The following PAPPA variants were observed in gnomAD, a reference collection of about 807,000 sequenced individuals.
PAPPA encodes pappalysin 1, also known as pappalysin-1.
In PAPPA, 60 loss-of-function variants were observed where a neutral mutation model predicts 164.0. The ratio of observed to expected loss-of-function variants is 0.37; its 90% CI spans 0.30 to 0.45. The LOEUF (loss-of-function observed/expected upper bound fraction) is 0.45, where lower values mean the gene tolerates loss of function less well. PAPPA is among the 20% of genes least tolerant of loss of function. The probability of loss-of-function intolerance (pLI) is 1.00; values close to 1 mark genes in which losing one functional copy is unlikely to be tolerated. For missense variants in PAPPA, 1,782 were observed against 2,087.3 expected, an observed-to-expected ratio of 0.85 and a Z score of 2.85; for synonymous variants, 875 against 814.1, an observed-to-expected ratio of 1.07 and a Z score of -1.27.
At chr9:116,351,647 T>C (rs1846283845) in intron 15 of PAPPA, among the ~76,000 whole-genome samples, 1 of 152,212 alleles carries the variant, frequency 6.6e-6, no homozygotes, top group Non-Finnish European at 1.5e-5. Context: ...AGTTTTGTCT[T>C]TTGCCAACTA....
At position 116,187,953 on chromosome 9, in the gene PAPPA, T is replaced by C. The variant is rs1843996175; in HGVS notation, c.1215T>C (p.Leu405=). ...LDVLEVSNSS[L]RRRLILANCD... ...TGCTGGAGGTGAGCAACTCCTCCCT[T>C]CGCCGCCGCCTCATCCTGGCCAACT... Residue 405 remains leucine, a synonymous_variant, in exon 2 of 22, where the codon CTT becomes CTC. Transcript: ENST00000328252. The surrounding 1 kb of genome is among the most constrained non-coding windows in gnomAD (Gnocchi z 4.2). 1 of 1,614,006 alleles carries C rather than the reference T, an allele frequency of 6.2e-7. No homozygotes were observed. The highest frequency in any genetic ancestry group is 8.5e-7 in the Non-Finnish European group (1 of 1,180,032).
intron 10 of PAPPA, among the ~76,000 whole-genome samples, chr9:116,329,724 C>T (rs559656810): frequency 4.0e-4 from 61 of 152,096 alleles, no homozygotes; most frequent in African/African-American, 1.0e-3. Flanking sequence ...TTATGTTTTG[C>T]GATCTCTCCA....
intron 9 of PAPPA, among the ~76,000 whole-genome samples, chr9:116,274,002 C>G (rs1845167367): frequency 6.6e-6 from 1 of 151,876 alleles, no homozygotes; most frequent in Admixed American, 6.6e-5. Context: ...GGGTGATGAT[C>G]TAAGGATACA....
At chr9:116,162,232 A>G (rs1163067246) in intron 1 of PAPPA, among the ~76,000 whole-genome samples, 2 of 152,192 alleles carry the variant, frequency 1.3e-5, no homozygotes, top group Non-Finnish European at 2.9e-5. Flanking sequence ...TGCCCTACAT[A>G]TTGTGAAATG....
In PAPPA at chr9:116,331,292, G is replaced by T; in HGVS notation, c.3196G>T (p.Ala1066Ser). ...IDLSEGISQH[A>S]WYPCTISYPY... Reference sequence around the variant, plus strand: ...TCTCAGTGAAGGCATTTCCCAGCATGCCTGGTACCCTTGCACCATCAGCTA... The same window carrying T: ...TCTCAGTGAAGGCATTTCCCAGCATTCCTGGTACCCTTGCACCATCAGCTA... Residue 1066 changes from alanine to serine, a missense_variant, in exon 11 of 22, where the codon GCC (alanine) becomes TCC (serine). Coordinates refer to ENST00000328252, the MANE Select transcript of PAPPA (RefSeq NM_002581.5). The T allele has an allele frequency of 1.2e-6, 2 of 1,613,850 alleles. No individual in the cohort carries two copies. Among genetic ancestry groups the T allele is most frequent in the Non-Finnish European group, 1.7e-6 (2 of 1,179,826 alleles).
intron 12 of PAPPA, among the ~76,000 whole-genome samples, chr9:116,333,716 T>C (rs1846022618): frequency 6.6e-6 from 1 of 152,168 alleles, no homozygotes; most frequent in African/African-American, 2.4e-5. Flanking sequence ...TTTCCCTAAG[T>C]GAGAAACAAA....
At chr9:116,289,378 T>TGGC (rs1564212465) in intron 9 of PAPPA, among the ~76,000 whole-genome samples, 2 of 144,232 alleles carry the variant, frequency 1.4e-5, no homozygotes, top group Non-Finnish European at 3.0e-5. Context: ...GGCATATATA[T>TGGC]AGCATATGTA....
chr9:116,401,877 A>T lies in PAPPA; in HGVS notation c.*5261A>T, dbSNP rs117967373. 3.9e-4 allele frequency: 59 copies of T among 151,686 alleles called. No individual in the cohort carries two copies. The East Asian group carries it at 0.011, about 28-fold the overall frequency. The allele number at this position is 151,686 out of a possible 1,614,324, so 9.4% of individuals were successfully genotyped here. A position where few individuals can be genotyped will look rare whatever the true frequency, so the allele number is the denominator to read the frequency against. ...AAGAAAAAAAAAAAGAAAAAGAAGA[A>T]AGACACAAAGAAAATAATCTAAACA... On this transcript the variant is annotated 3_prime_UTR_variant, in exon 22 of 22. Coordinates refer to ENST00000328252, the MANE Select transcript of PAPPA (RefSeq NM_002581.5).
At chr9:116,376,629 G>A (rs973601854) in intron 19 of PAPPA, among the ~76,000 whole-genome samples, 1 of 152,122 alleles carries the variant, frequency 6.6e-6, no homozygotes, top group African/African-American at 2.4e-5. Context: ...ATATATTTTA[G>A]TTGTCATTAT....
At chr9:116,156,790 T>C (rs1351529710) in intron 1 of PAPPA, among the ~76,000 whole-genome samples, 1 of 152,158 alleles carries the variant, frequency 6.6e-6, no homozygotes, top group East Asian at 1.9e-4. Flanking sequence ...AAGAACCTGC[T>C]TCTCCTTGAA....
At chr9:116,190,057 T>C (rs542985265) in intron 2 of PAPPA, among the ~76,000 whole-genome samples, 1 of 152,316 alleles carries the variant, frequency 6.6e-6, no homozygotes, top group African/African-American at 2.4e-5. Context: ...CTGCTTTCAC[T>C]TGGGCCTTTC....
chr9:116,180,343 G>T (rs1354423853), intron 1 of PAPPA, among the ~76,000 whole-genome samples: 1 of 151,972 alleles, frequency 6.6e-6, no homozygotes, highest in African/African-American at 2.4e-5. Flanking sequence ...CTTTGGCTCT[G>T]GAGTGAAAGA....
Position 116,347,293 on chromosome 9 carries a change from C to A in PAPPA, c.3964+84C>A. The A allele has an allele frequency of 8.1e-7, 1 of 1,233,702 alleles. No homozygotes were observed. The highest frequency in any genetic ancestry group is 1.1e-6 in the Non-Finnish European group (1 of 882,164). 76.4% of individuals were successfully genotyped at this position (1,233,702 alleles called of 1,614,324 possible). On this transcript the variant is annotated intron_variant, in intron 15 of 21. Coordinates refer to ENST00000328252, the MANE Select transcript of PAPPA (RefSeq NM_002581.5). The surrounding 1 kb of genome is among the most constrained non-coding windows in gnomAD (Gnocchi z 4.5). The stretch of plus-strand genomic sequence containing the variant: ...GCATCCAGGCCCTCTTTCTGGGTCT[C>A]AAACACCAAGGGTGGGATGGGTTTT...
At chr9:116,185,178 A>G (rs72752153) in intron 1 of PAPPA, among the ~76,000 whole-genome samples, 42,353 of 152,078 alleles carry the variant, frequency 0.28, 6,782 homozygotes, top group Non-Finnish European at 0.36. Flanking sequence ...CCGCTCCTTT[A>G]CCAGATAGAG....
intron 9 of PAPPA, among the ~76,000 whole-genome samples, chr9:116,294,307 T>G (rs1386499816): frequency 6.6e-6 from 1 of 152,166 alleles, no homozygotes; most frequent in Non-Finnish European, 1.5e-5. Flanking sequence ...GAAACCAACT[T>G]AAGCTCCTCA....
chr9:116,295,003 A>G (rs1845483697), intron 9 of PAPPA, among the ~76,000 whole-genome samples: 1 of 152,302 alleles, frequency 6.6e-6, no homozygotes, highest in East Asian at 1.9e-4. Context: ...TGCACATTCA[A>G]AATCTTTGCT....
chr9:116,269,880 A>C (rs1845117353), intron 8 of PAPPA, among the ~76,000 whole-genome samples: 1 of 152,230 alleles, frequency 6.6e-6, no homozygotes, highest in Non-Finnish European at 1.5e-5. Context: ...CCAGCTAAAA[A>C]TACAAACTTC....
intron 6 of PAPPA, among the ~76,000 whole-genome samples, chr9:116,228,425 C>T (rs973815142): frequency 2.0e-4 from 30 of 152,014 alleles, no homozygotes; most frequent in African/African-American, 6.8e-4. Flanking sequence ...TCAGAGGGAG[C>T]GGAATCAGTC....
chr9:116,164,060 T>A (rs1489217295), intron 1 of PAPPA, among the ~76,000 whole-genome samples: 1 of 152,230 alleles, frequency 6.6e-6, no homozygotes, highest in Non-Finnish European at 1.5e-5. Context: ...TGTTCATATT[T>A]TGTAATTTCT....
Sources: allele counts gnomAD v4.1 joint callset (sites outside exome capture counted in the v4.1 genomes callset), GRCh38; gene constraint gnomAD v4.1.1; non-coding constraint Gnocchi (gnomAD v3.1); transcripts MANE v1.5; gene names NCBI Gene and HGNC (gene_info 2026-07-23, HGNC 2026-07-21).